Variants in CBX1 observed in about 807,000 individuals in gnomAD.
CBX1 encodes chromobox 1.
In CBX1, 10 loss-of-function variants were observed where a neutral mutation model predicts 25.1. The ratio of observed to expected loss-of-function variants is 0.40; its 90% confidence interval spans 0.25 to 0.68. The LOEUF is 0.68. Among genes scored for constraint, CBX1 ranks in the 30% least tolerant of loss-of-function variants. CBX1 has a pLI of 0.40. For synonymous variants in CBX1, 63 were observed against 79.4 expected (o/e 0.79, Z 1.10); for missense variants, 106 against 218.5 (o/e 0.49, Z 3.25).
intron 1 of CBX1, chr17:48,096,249 G>T: frequency 3.8e-6 from 2 of 528,728 alleles, no homozygotes; most frequent in Non-Finnish European, 4.8e-6. Context: ...GCTGGTGTGC[G>T]AATACATTTT....
At chr17:48,080,591 A>G (rs2037720575) in intron 1 of CBX1, among the ~76,000 whole-genome samples, 2 of 151,746 alleles carry the variant, frequency 1.3e-5, no homozygotes, top group Admixed American at 1.3e-4. Context: ...TTTTCTAAAC[A>G]CTGTAAAACT....
chr17:48,073,861 A>C (rs991010545), intron 4 of CBX1, among the ~76,000 whole-genome samples: 2 of 150,640 alleles, frequency 1.3e-5, no homozygotes, highest in Non-Finnish European at 3.0e-5. Flanking sequence ...TAGTGAGTCA[A>C]CCAAAGGAGT....
intron 1 of CBX1, chr17:48,100,915 A>G (rs1263059196): frequency 1.0e-5 from 10 of 985,720 alleles, no homozygotes; most frequent in African/African-American, 1.7e-5. Context: ...CGCCTATCCA[A>G]GCCTCAAGCC....
chr17:48,072,847 TAGGC>T (rs940225092), intron 4 of CBX1, among the ~76,000 whole-genome samples: 10 of 150,926 alleles, frequency 6.6e-5, no homozygotes, highest in African/African-American at 2.4e-4. Flanking sequence ...AGTAAACTCT[TAGGC>T]AGGGAGCAGT....
At chr17:48,078,417 C>A (rs1486205842) in intron 1 of CBX1, among the ~76,000 whole-genome samples, 1 of 152,038 alleles carries the variant, frequency 6.6e-6, no homozygotes, top group Non-Finnish European at 1.5e-5. Flanking sequence ...TGGTCTCGAT[C>A]TCCTGACCTC....
At chr17:48,081,477 C>T (rs984760220) in intron 1 of CBX1, among the ~76,000 whole-genome samples, 78 of 152,238 alleles carry the variant, frequency 5.1e-4, no homozygotes, top group African/African-American at 1.7e-3. Flanking sequence ...TCGCTCTTGT[C>T]GCCCAGGCTG....
At chr17:48,087,395 A>C in intron 1 of CBX1, among the ~76,000 whole-genome samples, 1 of 151,160 alleles carries the variant, frequency 6.6e-6, no homozygotes, top group South Asian at 2.1e-4. Flanking sequence ...CAACATGGTG[A>C]AACCCCAGTC....
chr17:48,072,944 A>G (rs1567762922), intron 4 of CBX1, among the ~76,000 whole-genome samples: 1 of 152,046 alleles, frequency 6.6e-6, no homozygotes. Context: ...CAACATGGCA[A>G]AACCGTGTTG....
intron 1 of CBX1, among the ~76,000 whole-genome samples, chr17:48,087,390 T>A (rs1011816283): frequency 1.3e-5 from 2 of 150,954 alleles, no homozygotes; most frequent in African/African-American, 4.9e-5. Context: ...CTGGCCAACA[T>A]GGTGAAACCC....
chr17:48,075,184 G>A (rs2144429515), intron 3 of CBX1, 84 bp from the exon 4 acceptor site: 4 of 850,798 alleles, frequency 4.7e-6, no homozygotes, highest in Non-Finnish European at 7.8e-6. Flanking sequence ...TCTGATTAAT[G>A]TAATCACAAA....
rs1001578669 is a variant in CBX1 at position 48,071,100 on chromosome 17, T to A, written c.*335A>T. ...GGAAGAAGGCTGTGGGTTGTGGAGA[T>A]GCTCTTTGAAGATCTACAGTATTTT... On this transcript the variant is annotated 3_prime_UTR_variant, in exon 5 of 5. Transcript: ENST00000225603. 6 of 179,338 alleles carry A rather than the reference T, an allele frequency of 3.3e-5. No individual in the cohort carries two copies. Among genetic ancestry groups the A allele is most frequent in the African/African-American group, 4.7e-5 (2 of 42,400 alleles). The allele number at this position is 179,338 out of a possible 1,614,324, so 11.1% of individuals were successfully genotyped here.
At chr17:48,088,013 C>G (rs1020144658) in intron 1 of CBX1, among the ~76,000 whole-genome samples, 4 of 151,158 alleles carry the variant, frequency 2.6e-5, no homozygotes, top group African/African-American at 9.7e-5. Flanking sequence ...CATTCAATTA[C>G]AAAAATATAT....
At chr17:48,083,574 G>C (rs886928603) in intron 1 of CBX1, among the ~76,000 whole-genome samples, 5 of 150,472 alleles carry the variant, frequency 3.3e-5, no homozygotes, top group Admixed American at 6.6e-5. Flanking sequence ...TGTAATCCCA[G>C]TAATTTGGGA....
At chr17:48,097,048 A>G (rs775742035) in intron 1 of CBX1, among the ~76,000 whole-genome samples, 6 of 151,912 alleles carry the variant, frequency 3.9e-5, no homozygotes, top group African/African-American at 7.3e-5. Context: ...TCAGGAGTTG[A>G]AGACCAACCT....
At chr17:48,098,237 G>T (rs770107546) in intron 1 of CBX1, among the ~76,000 whole-genome samples, 14 of 146,346 alleles carry the variant, frequency 9.6e-5, no homozygotes. Flanking sequence ...GCAACAGAGC[G>T]ACACTCTGTC....
At chr17:48,083,086 GAAC>G (rs1438545508) in intron 1 of CBX1, among the ~76,000 whole-genome samples, 1 of 147,394 alleles carries the variant, frequency 6.8e-6, no homozygotes, top group Non-Finnish European at 1.5e-5. Context: ...GGCTGGTCTT[GAAC>G]TCCCAACCTC....
rs1271865803 is a variant in CBX1, at chr17:48,070,274, T to G, written c.*1161A>C. On this transcript the variant is annotated 3_prime_UTR_variant, in exon 5 of 5. Transcript: ENST00000225603. ...TATTAGGATTTCTTAAAAAATTGTT[T>G]TGTGTGTGTATGTGTGTGTTTTAAA... 3 of 152,632 alleles carry G rather than the reference T, an allele frequency of 2.0e-5. No homozygotes were observed. The highest frequency in any genetic ancestry group is 4.1e-4 in the South Asian group (2 of 4,830). The allele number at this position is 152,632 out of a possible 1,614,324, so 9.5% of individuals were successfully genotyped here.
chr17:48,076,761 G>T, intron 2 of CBX1, 104 bp downstream of exon 2: 1 of 976,272 alleles, frequency 1.0e-6, no homozygotes, highest in Non-Finnish European at 1.5e-6. Context: ...ATGAAGGTGG[G>T]GACTGAGTCA....
At chr17:48,090,963 T>C (rs2063341035) in intron 1 of CBX1, among the ~76,000 whole-genome samples, 1 of 152,258 alleles carries the variant, frequency 6.6e-6, no homozygotes, top group South Asian at 2.1e-4. Context: ...TGCACACATG[T>C]GTTTGCAAAG....
Sources: gnomAD v4.1 joint callset for allele counts (sites outside exome capture counted in the v4.1 genomes callset) on GRCh38, gnomAD v4.1.1 for gene constraint, MANE v1.5 for transcripts, NCBI Gene and HGNC (gene_info 2026-07-23, HGNC 2026-07-21) for gene names.